KIAA1328: variants seen among roughly 807,000 people sequenced by gnomAD.
KIAA1328 encodes KIAA1328.
In KIAA1328, 52 loss-of-function variants were observed where a neutral mutation model predicts 68.1. The ratio of observed to expected loss-of-function variants is 0.76; its 90% CI spans 0.61 to 0.96. The LOEUF (loss-of-function observed/expected upper bound fraction) is 0.96, where lower values mean the gene tolerates loss of function less well. Ranked by LOEUF, KIAA1328 falls within the 40% of genes least tolerant of loss-of-function variation. The pLI, the probability that KIAA1328 is intolerant of heterozygous loss-of-function variation, is 0.00. For synonymous variants in KIAA1328, 232 were observed against 239.4 expected (o/e 0.97, Z 0.28); for missense variants, 641 against 677.6 (o/e 0.95, Z 0.60).
chr18:37,200,770 C>T (rs1319016589), intron 9 of KIAA1328, among the ~76,000 whole-genome samples: 1 of 149,658 alleles, frequency 6.7e-6, no homozygotes, highest in African/African-American at 2.5e-5. Flanking sequence ...GAGATTGCGC[C>T]ACTGCAGTCC....
chr18:37,126,755 A>C (rs2058400662), intron 7 of KIAA1328, among the ~76,000 whole-genome samples: 1 of 152,176 alleles, frequency 6.6e-6, no homozygotes, highest in Non-Finnish European at 1.5e-5. Flanking sequence ...TTTATGACCA[A>C]GTTGGTTTTA....
chr18:36,994,267 A>G (rs1313754312), intron 6 of KIAA1328, among the ~76,000 whole-genome samples: 2 of 152,206 alleles, frequency 1.3e-5, no homozygotes, highest in Non-Finnish European at 2.9e-5. Flanking sequence ...AAGCTAGTCT[A>G]AAGGAAAGCT....
intron 6 of KIAA1328, among the ~76,000 whole-genome samples, chr18:36,977,692 T>A (rs1038056690): frequency 6.6e-6 from 1 of 152,092 alleles, no homozygotes; most frequent in Non-Finnish European, 1.5e-5. Flanking sequence ...GTTTCAGGGT[T>A]CTCAAGACAA....
chr18:36,908,467 G>C (rs567608377), intron 5 of KIAA1328, among the ~76,000 whole-genome samples: 1 of 152,196 alleles, frequency 6.6e-6, no homozygotes, highest in Non-Finnish European at 1.5e-5. Context: ...AGCCTCCCAA[G>C]TAGATAGGAC....
chr18:36,919,964 G>A (rs547854906), intron 5 of KIAA1328, among the ~76,000 whole-genome samples: 45 of 152,088 alleles, frequency 3.0e-4, no homozygotes, highest in Non-Finnish European at 5.4e-4. Context: ...ATAGATTCTA[G>A]ATATTAGACC....
chr18:36,949,596 C>T, intron 5 of KIAA1328, among the ~76,000 whole-genome samples: 1 of 18,818 alleles, frequency 5.3e-5, no homozygotes, highest in African/African-American at 1.5e-4. Flanking sequence ...TTCTACCCAG[C>T]TCCCCCCCCC....
chr18:37,011,203 A>G (rs2053967942), intron 6 of KIAA1328, among the ~76,000 whole-genome samples: 1 of 152,202 alleles, frequency 6.6e-6, no homozygotes. Flanking sequence ...AGTCTAATTA[A>G]GGAAACAGTG....
intron 7 of KIAA1328, among the ~76,000 whole-genome samples, chr18:37,158,691 A>C (rs911328295): frequency 6.6e-6 from 1 of 152,206 alleles, no homozygotes; most frequent in African/African-American, 2.4e-5. Context: ...CCAAGTTTCC[A>C]GTTGTGATGG....
rs1481694341 is a variant in KIAA1328 at position 37,160,247 on chromosome 18, C to G, written c.1280C>G (p.Ser427Cys). Reference sequence around the variant, plus strand: ...GGCTGGCTGCTTGGAACATCATCATCTATTAAAAAGCACCAAGACCCCCCA... The same window carrying G: ...GGCTGGCTGCTTGGAACATCATCATGTATTAAAAAGCACCAAGACCCCCCA... ...CDGWLLGTSSSIKKHQDPPNS... is the reference protein window; with the variant it reads ...CDGWLLGTSSCIKKHQDPPNS... The change falls in exon 8 of 10, where the codon TCT becomes TGT. Residue 427 changes from serine to cysteine, a missense_variant. Physicochemically the swap from Ser to Cys is moderately radical, Grantham distance 112. Transcript: ENST00000280020. 6.2e-7 allele frequency: 1 copy of G among 1,613,298 alleles called. No individual in the cohort carries two copies. The highest frequency in any genetic ancestry group is 1.3e-5 in the African/African-American group (1 of 74,872).
chr18:37,039,473 C>T (rs1225490618), intron 6 of KIAA1328, among the ~76,000 whole-genome samples: 3 of 151,384 alleles, frequency 2.0e-5, no homozygotes, highest in South Asian at 2.1e-4. Flanking sequence ...AGTGCAGTGG[C>T]GCAATCTCGG....
chr18:37,064,064 A>G (rs1202062367), intron 6 of KIAA1328, among the ~76,000 whole-genome samples: 1 of 152,164 alleles, frequency 6.6e-6, no homozygotes, highest in Non-Finnish European at 1.5e-5. Context: ...GGAGAGATTA[A>G]TGTAGACTAG....
At chr18:37,045,116 C>T (rs2055414358) in intron 6 of KIAA1328, among the ~76,000 whole-genome samples, 1 of 152,064 alleles carries the variant, frequency 6.6e-6, no homozygotes, top group African/African-American at 2.4e-5. Flanking sequence ...TCCTTAATTC[C>T]TGAGGGATAT....
At chr18:36,965,269 T>G (rs1295006308) in intron 6 of KIAA1328, among the ~76,000 whole-genome samples, 1 of 151,964 alleles carries the variant, frequency 6.6e-6, no homozygotes, top group Non-Finnish European at 1.5e-5. Context: ...GAGAAACTTC[T>G]TTATTTTCCC....
chr18:37,013,136 G>A (rs913172362), intron 6 of KIAA1328, among the ~76,000 whole-genome samples: 6 of 152,074 alleles, frequency 3.9e-5, no homozygotes, highest in Non-Finnish European at 5.9e-5. Flanking sequence ...TATTAAAATA[G>A]CACCTGGATG....
rs527389678 is a variant in KIAA1328 at position 37,185,811 on chromosome 18, A to C, written c.1523+12730A>C. 3.5e-4 allele frequency among the ~76,000 whole-genome samples: 52 copies of C among 150,584 alleles called. No individual in the cohort carries two copies. In the Middle Eastern group the frequency reaches 0.01, roughly 30 times the overall value. Reference sequence around the variant, plus strand: ...CTTAATGGGGTATGCCCTCCCCCCCAAAAAAAAAGACTGTCTGTTTTTCTC... The same window carrying C: ...CTTAATGGGGTATGCCCTCCCCCCCCAAAAAAAAGACTGTCTGTTTTTCTC... On this transcript the variant is annotated intron_variant, in intron 9 of 9. Coordinates refer to ENST00000280020, the MANE Select transcript of KIAA1328 (RefSeq NM_020776.3).
rs190522560 is a variant in KIAA1328, at chr18:37,225,175, G to A, written c.*2948G>A. 3.5e-4 allele frequency: 344 copies of A among 985,526 alleles called. 4 individuals carry two copies. Among genetic ancestry groups the A allele is most frequent in the Non-Finnish European group, 6.9e-5 (57 of 829,984 alleles). The allele number at this position is 985,526 out of a possible 1,614,324, so 61.0% of individuals were successfully genotyped here. A position where few individuals can be genotyped will look rare whatever the true frequency, so the allele number is the denominator to read the frequency against. ...CAGGGGAGAGGAGAGGCCTGATGGGGCAGAGCTGGACGAAGTCTGCTAAGA... is the reference window on the plus strand; with the variant it reads ...CAGGGGAGAGGAGAGGCCTGATGGGACAGAGCTGGACGAAGTCTGCTAAGA... On this transcript the variant is annotated 3_prime_UTR_variant, in exon 10 of 10. Transcript: ENST00000280020.
At chr18:37,046,467 T>A (rs767729069) in intron 6 of KIAA1328, among the ~76,000 whole-genome samples, 3 of 152,208 alleles carry the variant, frequency 2.0e-5, no homozygotes, top group Non-Finnish European at 4.4e-5. Context: ...GTGAGACTAC[T>A]TAAAGCTCCT....
chr18:37,142,485 C>T (rs1484738381), intron 7 of KIAA1328, among the ~76,000 whole-genome samples: 2 of 152,114 alleles, frequency 1.3e-5, no homozygotes, highest in East Asian at 1.9e-4. Flanking sequence ...CGTGAGCTAC[C>T]GCACCCAGCC....
At chr18:37,071,336 G>A (rs1231702730) in intron 7 of KIAA1328, among the ~76,000 whole-genome samples, 2 of 151,862 alleles carry the variant, frequency 1.3e-5, no homozygotes, top group African/African-American at 4.8e-5. Context: ...TCCTTCCAAA[G>A]TGCTGGGATT....
Sources: allele counts gnomAD v4.1 joint callset (sites outside exome capture counted in the v4.1 genomes callset), GRCh38; gene constraint gnomAD v4.1.1; transcripts MANE v1.5; gene names NCBI Gene and HGNC (gene_info 2026-07-23, HGNC 2026-07-21).